FAM135B: variants seen among roughly 807,000 people sequenced by gnomAD.
FAM135B encodes protein FAM135B.
Under a neutral mutation model 127.7 loss-of-function variants are expected in FAM135B, and 43 were observed. That is an observed-to-expected ratio of 0.34 (90% CI 0.26 to 0.43). The LOEUF (loss-of-function observed/expected upper bound fraction) is 0.43, where lower values mean the gene tolerates loss of function less well. FAM135B is among the 20% of genes least tolerant of loss of function. FAM135B has a pLI of 1.00. For missense variants in FAM135B, 1,558 were observed against 1,725.6 expected, an observed-to-expected ratio of 0.90 and a Z score of 1.72; for synonymous variants, 670 against 665.1, an observed-to-expected ratio of 1.01 and a Z score of -0.11.
At chr8:138,322,941 A>T (rs937794849) in intron 2 of FAM135B, among the ~76,000 whole-genome samples, 3 of 152,264 alleles carry the variant, frequency 2.0e-5, no homozygotes, top group Non-Finnish European at 4.4e-5. Flanking sequence ...TAAGAAACAA[A>T]AAACCTATGA....
At chr8:138,394,327 C>A (rs1832747438) in intron 1 of FAM135B, among the ~76,000 whole-genome samples, 1 of 152,138 alleles carries the variant, frequency 6.6e-6, no homozygotes, top group Non-Finnish European at 1.5e-5. Flanking sequence ...GTGGCAGGCA[C>A]TGGGTCATGT....
intron 7 of FAM135B, among the ~76,000 whole-genome samples, chr8:138,214,248 G>T (rs1386904262): frequency 1.3e-5 from 2 of 152,068 alleles, no homozygotes; most frequent in Non-Finnish European, 2.9e-5. Context: ...TCTATGCAAA[G>T]GTAATAAACA....
chr8:138,322,813 TCA>T (rs1276906664), intron 2 of FAM135B, among the ~76,000 whole-genome samples: 1 of 152,066 alleles, frequency 6.6e-6, no homozygotes, highest in Non-Finnish European at 1.5e-5. Flanking sequence ...AATCCCAGCC[TCA>T]CATAGCTAGC....
chr8:138,184,923 T>C (rs979252581), intron 9 of FAM135B, among the ~76,000 whole-genome samples: 1 of 152,240 alleles, frequency 6.6e-6, no homozygotes, highest in Non-Finnish European at 1.5e-5. Context: ...GTAATTCATG[T>C]GCACATTAAA....
intron 7 of FAM135B, among the ~76,000 whole-genome samples, chr8:138,238,253 G>T (rs1351013430): frequency 6.6e-6 from 1 of 152,058 alleles, no homozygotes; most frequent in Non-Finnish European, 1.5e-5. Context: ...GTTTTTACTG[G>T]GCATGTTTGT....
chr8:138,454,222 AC>A (rs1233680716), intron 1 of FAM135B, among the ~76,000 whole-genome samples: 1 of 152,200 alleles, frequency 6.6e-6, no homozygotes, highest in African/African-American at 2.4e-5. Context: ...TAAGCCATGG[AC>A]TTGGCCAAGG....
chr8:138,171,181 A>C (rs550292406), intron 11 of FAM135B, among the ~76,000 whole-genome samples: 1 of 152,024 alleles, frequency 6.6e-6, no homozygotes, highest in South Asian at 2.1e-4. Context: ...ATTTCTTCTC[A>C]TCTCTCTCTC....
At chr8:138,297,884 C>T (rs752890071) in intron 3 of FAM135B, among the ~76,000 whole-genome samples, 6 of 152,294 alleles carry the variant, frequency 3.9e-5, no homozygotes, top group East Asian at 1.9e-4. Context: ...CATGGCAGGG[C>T]CATTTATCAA....
At chr8:138,227,440 T>A (rs1819545599) in intron 7 of FAM135B, among the ~76,000 whole-genome samples, 1 of 152,178 alleles carries the variant, frequency 6.6e-6, no homozygotes, top group Admixed American at 6.5e-5. Context: ...GGATCCAGAA[T>A]TTTTTACTCC....
intron 1 of FAM135B, among the ~76,000 whole-genome samples, chr8:138,403,354 C>T (rs1833260154): frequency 1.3e-5 from 2 of 152,042 alleles, no homozygotes. Context: ...GACCCATCAC[C>T]AACCTTGGAG....
chr8:138,165,896 G>A (rs367715008), intron 12 of FAM135B, among the ~76,000 whole-genome samples: 16 of 152,216 alleles, frequency 1.1e-4, no homozygotes, highest in Admixed American at 3.9e-4. Context: ...CCAAATAACC[G>A]TATATTTGCA....
At chr8:138,399,374 T>C (rs1284929403) in intron 1 of FAM135B, among the ~76,000 whole-genome samples, 1 of 152,190 alleles carries the variant, frequency 6.6e-6, no homozygotes, top group East Asian at 1.9e-4. Context: ...TCAAATCTAG[T>C]CAATCTAGAA....
At chr8:138,263,919 C>A (rs540303816) in intron 4 of FAM135B, among the ~76,000 whole-genome samples, 2 of 152,078 alleles carry the variant, frequency 1.3e-5, no homozygotes, top group Non-Finnish European at 2.9e-5. Context: ...GGGAGAGGGA[C>A]GACAAAATTC....
chr8:138,303,547 C>T (rs1826034224), intron 3 of FAM135B, among the ~76,000 whole-genome samples: 2 of 152,066 alleles, frequency 1.3e-5, no homozygotes, highest in South Asian at 4.2e-4. Context: ...CCCATGCATG[C>T]CTATGTAACA....
chr8:138,285,361 G>A (rs1197902201), intron 3 of FAM135B, among the ~76,000 whole-genome samples: 22 of 151,826 alleles, frequency 1.4e-4, no homozygotes, highest in Admixed American at 1.4e-3. Context: ...TGGCCAGGCT[G>A]GTCTTGAACT....
intron 1 of FAM135B, among the ~76,000 whole-genome samples, chr8:138,464,405 C>A (rs1336650176): frequency 6.6e-6 from 1 of 152,134 alleles, no homozygotes; most frequent in African/African-American, 2.4e-5. Flanking sequence ...ACCTCCCCCC[C>A]AACACATGGC....
intron 8 of FAM135B, among the ~76,000 whole-genome samples, chr8:138,196,577 T>A (rs1563756538): frequency 6.6e-6 from 1 of 152,180 alleles, no homozygotes; most frequent in Non-Finnish European, 1.5e-5. Context: ...CAATGAACAA[T>A]GAACAAGGCC....
At chr8:138,329,613 G>T (rs1187362543) in intron 2 of FAM135B, among the ~76,000 whole-genome samples, 6 of 152,150 alleles carry the variant, frequency 3.9e-5, no homozygotes, top group African/African-American at 9.7e-5. Context: ...GCAGCAAATT[G>T]TCTTTGCAGA....
intron 1 of FAM135B, chr8:138,441,637 C>G (rs562912352): frequency 1.3e-5 from 2 of 152,282 alleles, no homozygotes; most frequent in Admixed American, 6.5e-5. Flanking sequence ...AGATTTCACT[C>G]ACTACCTGAA....
Sources: allele counts gnomAD v4.1 joint callset (sites outside exome capture counted in the v4.1 genomes callset), GRCh38; gene constraint gnomAD v4.1.1; transcripts MANE v1.5; gene names NCBI Gene and HGNC (gene_info 2026-07-23, HGNC 2026-07-21).